DIP2C: variants seen among roughly 807,000 people sequenced by gnomAD.
DIP2C encodes disco-interacting protein 2 homolog C.
A neutral mutation model predicts 192.4 loss-of-function variants in DIP2C; 33 were observed. The ratio of observed to expected loss-of-function variants is 0.17; its 90% CI spans 0.13 to 0.23. The LOEUF (loss-of-function observed/expected upper bound fraction) is 0.23. Ranked by LOEUF, DIP2C falls within the 10% of genes least tolerant of loss-of-function variation. The probability of loss-of-function intolerance (pLI) is 1.00; values close to 1 mark genes in which losing one functional copy is unlikely to be tolerated. For synonymous variants in DIP2C, 979 were observed against 864.1 expected (o/e 1.13, Z -2.33); for missense variants, 1,537 against 2,110.1 (o/e 0.73, Z 5.32).
intron 1 of DIP2C, among the ~76,000 whole-genome samples, chr10:526,806 G>A (rs816634): frequency 0.022 from 3,368 of 152,188 alleles, 127 homozygotes; most frequent in African/African-American, 0.077. Flanking sequence ...CCTCCGTCCC[G>A]CCAGCACCAT....
chr10:449,935 A>G (rs1372690221), intron 3 of DIP2C, among the ~76,000 whole-genome samples: 2 of 145,068 alleles, frequency 1.4e-5, no homozygotes, highest in Non-Finnish European at 2.9e-5. Context: ...AAAAAAAAAA[A>G]AGAAAATCTG....
chr10:509,502 G>C (rs541265780), intron 1 of DIP2C, among the ~76,000 whole-genome samples: 1 of 152,302 alleles, frequency 6.6e-6, no homozygotes, highest in South Asian at 2.1e-4. Context: ...CTACGGAGCA[G>C]AGCCGGCTTC....
chr10:475,651 CAAAT>C (rs1164397063), intron 2 of DIP2C, among the ~76,000 whole-genome samples: 1 of 152,170 alleles, frequency 6.6e-6, no homozygotes, highest in East Asian at 1.9e-4. Context: ...AGTCTGAAAA[CAAAT>C]GAATAAAATA....
Position 506,505 on chromosome 10 carries a change from G to T in DIP2C, c.86-19975C>A, listed in dbSNP as rs1015802223. On this transcript the variant is annotated intron_variant, in intron 1 of 36. Transcript: ENST00000280886. ...GCGTGTGGTCATGACCCAGGGCAGG[G>T]CCACTCACAGAGCACAGTTCATCTC... 3.3e-5 allele frequency among the ~76,000 whole-genome samples: 5 copies of T among 152,198 alleles called. No individual in the cohort carries two copies. The Middle Eastern group carries it at 0.01, about 311-fold the overall frequency.
At position 362,479 on chromosome 10, in the gene DIP2C, G is replaced by C; in HGVS notation, c.2794+11C>G. 6.2e-7 allele frequency: 1 copy of C among 1,612,744 alleles called. No individual in the cohort carries two copies. The highest frequency in any genetic ancestry group is 8.5e-7 in the Non-Finnish European group (1 of 1,179,526). ...CCCGCACCTCACAAGCTGCCCAAGT[G>C]GTGCACATACCTGGCTGCTTCTGTC... On this transcript the variant is annotated intron_variant, in intron 22 of 36. Transcript: ENST00000280886.
intron 36 of DIP2C, among the ~76,000 whole-genome samples, chr10:278,497 TGGA>T (rs1285676122): frequency 6.6e-6 from 1 of 152,216 alleles, no homozygotes; most frequent in Non-Finnish European, 1.5e-5. Flanking sequence ...AAGAAACACG[TGGA>T]GAAGAGCCAC....
Position 363,952 on chromosome 10 carries a change from C to A in DIP2C, c.2477+422G>T, listed in dbSNP as rs1433873013. ...TTCATCACGGAGCCTCCACTGTGCA[C>A]CAGGCAAGGCAGGGAGAAGAAAACT... On this transcript the variant is annotated intron_variant, in intron 20 of 36. Transcript: ENST00000280886. This position sits in a 1 kb window ranked among gnomAD's most constrained non-coding sequence, Gnocchi z 5.4. Among the ~76,000 whole-genome samples, 2 of 152,170 alleles carry A rather than the reference C, an allele frequency of 1.3e-5. No homozygotes were observed. The highest frequency in any genetic ancestry group is 2.9e-5 in the Non-Finnish European group (2 of 68,036).
chr10:440,785 A>G, intron 4 of DIP2C, 86 bp downstream of exon 4: 2 of 1,498,716 alleles, frequency 1.3e-6, no homozygotes, highest in Non-Finnish European at 1.8e-6. Flanking sequence ...ATTATTTTGA[A>G]AGCAAAAACC....
At chr10:396,641 T>C in intron 10 of DIP2C, among the ~76,000 whole-genome samples, 1 of 152,148 alleles carries the variant, frequency 6.6e-6, no homozygotes, top group East Asian at 1.9e-4. Context: ...TGTAAACTCC[T>C]CACTAGATCC....
chr10:517,252 G>A (rs1187129580), intron 1 of DIP2C, among the ~76,000 whole-genome samples: 1 of 152,114 alleles, frequency 6.6e-6, no homozygotes, highest in Non-Finnish European at 1.5e-5. Context: ...CTTGGCAAAT[G>A]TACCATGAAT....
intron 19 of DIP2C, chr10:364,882 G>A (rs979886199): frequency 2.6e-5 from 16 of 620,490 alleles, no homozygotes; most frequent in Admixed American, 8.6e-5. Context: ...AGGCCAATCA[G>A]CAGTAACTGA....
chr10:569,729 A>C (rs1200767783), intron 1 of DIP2C, among the ~76,000 whole-genome samples: 4 of 152,236 alleles, frequency 2.6e-5, no homozygotes, highest in African/African-American at 9.6e-5. Flanking sequence ...CGTCACCATG[A>C]AATAGACGGC....
At chr10:418,088 C>T (rs369581288) in intron 6 of DIP2C, among the ~76,000 whole-genome samples, 25 of 2,498 alleles carry the variant, frequency 0.01, 4 homozygotes, top group East Asian at 0.038. Flanking sequence ...TGTCAGGCCT[C>T]AGATAGGCAT....
rs1589470005 is a variant in DIP2C at position 321,203 on chromosome 10, G to A, written c.3924+5803C>T. 2.0e-5 allele frequency among the ~76,000 whole-genome samples: 3 copies of A among 152,348 alleles called. No homozygotes were observed. The South Asian group carries it at 6.2e-4, about 32-fold the overall frequency. On this transcript the variant is annotated intron_variant, in intron 31 of 36. Coordinates refer to ENST00000280886, the MANE Select transcript of DIP2C (RefSeq NM_014974.3). ...CTGTGTCAGGTATGTTCTAAAAAGTGCTTGTCCAGGCGCCAAGTCAGCACT... is the reference window on the plus strand; with the variant it reads ...CTGTGTCAGGTATGTTCTAAAAAGTACTTGTCCAGGCGCCAAGTCAGCACT...
At chr10:621,713 C>T (rs906477760) in intron 1 of DIP2C, among the ~76,000 whole-genome samples, 2 of 152,168 alleles carry the variant, frequency 1.3e-5, no homozygotes, top group East Asian at 1.9e-4. Context: ...ATCAGGAGGA[C>T]GCCCACTGCA....
At chr10:653,358 G>C (rs1856074384) in intron 1 of DIP2C, among the ~76,000 whole-genome samples, 1 of 152,156 alleles carries the variant, frequency 6.6e-6, no homozygotes, top group South Asian at 2.1e-4. Context: ...TGAGACACAA[G>C]AACTGCTTGA....
At chr10:676,592 C>T (rs1830885690) in intron 1 of DIP2C, among the ~76,000 whole-genome samples, 1 of 151,198 alleles carries the variant, frequency 6.6e-6, no homozygotes, top group Admixed American at 6.6e-5. Flanking sequence ...ATATAAAAAT[C>T]AGTAGCATTT....
chr10:291,952 C>T (rs1186500084), intron 32 of DIP2C, among the ~76,000 whole-genome samples: 2 of 152,222 alleles, frequency 1.3e-5, no homozygotes, highest in African/African-American at 4.8e-5. Flanking sequence ...GAAATACAGG[C>T]TCAGCCAGGC....
chr10:282,762 C>G (rs991074795), intron 35 of DIP2C, among the ~76,000 whole-genome samples: 6 of 152,272 alleles, frequency 3.9e-5, no homozygotes, highest in African/African-American at 7.2e-5. Context: ...CCAGGCCCTA[C>G]TCTCTGATGA....
Sources: allele counts gnomAD v4.1 joint callset (sites outside exome capture counted in the v4.1 genomes callset), GRCh38; gene constraint gnomAD v4.1.1; non-coding constraint Gnocchi (gnomAD v3.1); transcripts MANE v1.5; gene names NCBI Gene and HGNC (gene_info 2026-07-23, HGNC 2026-07-21).